PTER: variants seen among roughly 807,000 people sequenced by gnomAD.
The protein encoded by PTER is N-acetyltaurine hydrolase.
Under a neutral mutation model 29.6 loss-of-function variants are expected in PTER, and 38 were observed. The observed-to-expected ratio is 1.28, with a 90% CI of 0.99 to 1.68. The LOEUF is 1.68. Among genes scored for constraint, PTER ranks in the 40% most tolerant of loss-of-function variants. The pLI, the probability that PTER is intolerant of heterozygous loss-of-function variation, is 0.00. For missense variants in PTER, 482 were observed against 427.8 expected, an observed-to-expected ratio of 1.13 and a Z score of -1.12; for synonymous variants, 172 against 154.5, an observed-to-expected ratio of 1.11 and a Z score of -0.84.
intron 3 of PTER, among the ~76,000 whole-genome samples, chr10:16,499,311 T>A: frequency 6.6e-6 from 1 of 152,232 alleles, no homozygotes; most frequent in East Asian, 1.9e-4. Context: ...GACTTTCCTT[T>A]GAAAACCTGT....
At chr10:16,441,198 C>T (rs1158084070) in intron 1 of PTER, among the ~76,000 whole-genome samples, 3 of 152,208 alleles carry the variant, frequency 2.0e-5, no homozygotes, top group African/African-American at 4.8e-5. Flanking sequence ...TTGAAAAACA[C>T]AATTTATATA....
downstream of PTER, chr10:16,514,630 C>T (rs1200012308): frequency 6.2e-7 from 1 of 1,613,942 alleles, no homozygotes; most frequent in South Asian, 1.1e-5. Flanking sequence ...CATCTCCCGG[C>T]TCCAAATGAA....
intron 1 of PTER, among the ~76,000 whole-genome samples, chr10:16,472,894 A>T (rs1383083731): frequency 5.3e-5 from 8 of 152,198 alleles, no homozygotes. Flanking sequence ...TAAGAAGTCA[A>T]CATTTAAACC....
intron 3 of PTER, among the ~76,000 whole-genome samples, chr10:16,503,269 C>T (rs571612124): frequency 1.1e-4 from 16 of 151,552 alleles, no homozygotes; most frequent in African/African-American, 3.9e-4. Context: ...CTCTGTCACC[C>T]AGGCTGGAAT....
chr10:16,513,836 C>G (rs1448578518), downstream of PTER: 1 of 152,818 alleles, frequency 6.5e-6, no homozygotes, highest in Non-Finnish European at 1.5e-5. Flanking sequence ...GAGGGTAATC[C>G]TATGATACAC....
chr10:16,482,929 G>T (rs148141055), intron 1 of PTER, among the ~76,000 whole-genome samples: 1 of 152,068 alleles, frequency 6.6e-6, no homozygotes, highest in South Asian at 2.1e-4. Context: ...TTACAGGCAC[G>T]CTCCACCACA....
chr10:16,484,848 T>C (rs1337328282), intron 2 of PTER, 32 bp downstream of exon 2: 5 of 1,545,540 alleles, frequency 3.2e-6, no homozygotes, highest in Non-Finnish European at 3.5e-6. Flanking sequence ...ACAGTATTTG[T>C]TCATAAATTC....
chr10:16,460,873 C>T (rs543651424), intron 1 of PTER, among the ~76,000 whole-genome samples: 8 of 152,104 alleles, frequency 5.3e-5, no homozygotes, highest in Admixed American at 1.3e-4. Context: ...CCCGCCACCA[C>T]GTCTGGCTAA....
At chr10:16,467,724 AT>A (rs1050330602) in intron 1 of PTER, among the ~76,000 whole-genome samples, 4 of 152,134 alleles carry the variant, frequency 2.6e-5, no homozygotes, top group African/African-American at 9.7e-5. Flanking sequence ...ACGCAGGAGA[AT>A]TGCTTGAACC....
At chr10:16,457,097 C>G (rs532810684) in intron 1 of PTER, among the ~76,000 whole-genome samples, 9 of 152,208 alleles carry the variant, frequency 5.9e-5, no homozygotes, top group African/African-American at 1.9e-4. Flanking sequence ...TTCTTTCTTC[C>G]CAGAGTGAAT....
chr10:16,502,247 G>C (rs746153603), intron 3 of PTER, among the ~76,000 whole-genome samples: 4 of 152,030 alleles, frequency 2.6e-5, no homozygotes, highest in Non-Finnish European at 4.4e-5. Flanking sequence ...TTAACACACT[G>C]AATTTACTCA....
intron 2 of PTER, 31 bp downstream of exon 2, chr10:16,484,847 G>A (rs1470806630): frequency 5.2e-6 from 8 of 1,548,274 alleles, no homozygotes; most frequent in African/African-American, 4.1e-5. Flanking sequence ...GACAGTATTT[G>A]TTCATAAATT....
At chr10:16,460,341 A>T (rs1471816906) in intron 1 of PTER, among the ~76,000 whole-genome samples, 1 of 152,190 alleles carries the variant, frequency 6.6e-6, no homozygotes, top group Non-Finnish European at 1.5e-5. Flanking sequence ...AGTAAAACAA[A>T]CATTGGACAA....
chr10:16,485,973 C>A (rs111614922), intron 2 of PTER, among the ~76,000 whole-genome samples: 1 of 151,990 alleles, frequency 6.6e-6, no homozygotes, highest in East Asian at 1.9e-4. Flanking sequence ...ACTTGATACA[C>A]GGGACATAGA....
chr10:16,438,270 C>G (rs577731408), intron 1 of PTER, among the ~76,000 whole-genome samples: 1 of 151,944 alleles, frequency 6.6e-6, no homozygotes, highest in Admixed American at 6.6e-5. Flanking sequence ...TCCTAAAGTG[C>G]TGGGATTACA....
intron 3 of PTER, among the ~76,000 whole-genome samples, chr10:16,495,808 C>A (rs188944940): frequency 6.6e-6 from 1 of 152,304 alleles, no homozygotes; most frequent in East Asian, 1.9e-4. Flanking sequence ...AGTTGGAATA[C>A]CTGCATTGTG....
intron 1 of PTER, among the ~76,000 whole-genome samples, chr10:16,467,053 G>A (rs1013658911): frequency 6.6e-6 from 1 of 152,124 alleles, no homozygotes; most frequent in Non-Finnish European, 1.5e-5. Context: ...GTCACTTGCT[G>A]TTATTTTTTT....
intron 3 of PTER, among the ~76,000 whole-genome samples, chr10:16,502,464 A>C (rs1254314791): frequency 3.3e-5 from 5 of 152,212 alleles, no homozygotes; most frequent in Middle Eastern, 3.2e-3. Context: ...AAGATAGCAC[A>C]GAACTAATGT....
rs906496196 is a variant in PTER, at chr10:16,449,045, A to G, written c.-49+11998A>G. 3.9e-5 allele frequency among the ~76,000 whole-genome samples: 6 copies of G among 152,316 alleles called. No individual in the cohort carries two copies. The East Asian group carries it at 1.2e-3, about 29-fold the overall frequency. On this transcript the variant is annotated intron_variant, in intron 1 of 4. Coordinates refer to ENST00000535784, the MANE Select transcript of PTER (RefSeq NM_001261836.2). ...ATCCGTCTGTCTTCTGCACAGGCCA[A>G]ATAGGAGAGTTGAACAGGGATGTGG...
Sources: allele counts gnomAD v4.1 joint callset (sites outside exome capture counted in the v4.1 genomes callset), GRCh38; gene constraint gnomAD v4.1.1; transcripts MANE v1.5; gene names NCBI Gene and HGNC (gene_info 2026-07-23, HGNC 2026-07-21).